CLIP4: variants seen among roughly 807,000 people sequenced by gnomAD.
CLIP4 encodes CAP-Gly domain-containing linker protein 4.
A neutral mutation model predicts 73.1 loss-of-function variants in CLIP4; 47 were observed. That is an observed-to-expected ratio of 0.64 (90% CI 0.51 to 0.82). The LOEUF (loss-of-function observed/expected upper bound fraction) is 0.82. Among genes scored for constraint, CLIP4 ranks in the 40% least tolerant of loss-of-function variants. The probability of loss-of-function intolerance (pLI) is 0.00; values close to 1 mark genes in which losing one functional copy is unlikely to be tolerated. For missense variants in CLIP4, 874 were observed against 852.9 expected, an observed-to-expected ratio of 1.02 and a Z score of -0.31; for synonymous variants, 306 against 295.4, an observed-to-expected ratio of 1.04 and a Z score of -0.37.
chr2:29,129,978 C>G (rs1664858890), intron 2 of CLIP4: 1 of 470,730 alleles, frequency 2.1e-6, no homozygotes, highest in Non-Finnish European at 4.4e-6. Flanking sequence ...TTTTCAGCAG[C>G]TGCTCTGGAA....
intron 13 of CLIP4, 123 bp from the exon 14 acceptor site, chr2:29,167,353 T>A (rs979251008): frequency 3.9e-6 from 2 of 518,998 alleles, no homozygotes; most frequent in Non-Finnish European, 3.4e-6. Context: ...TGGCTTAAAA[T>A]GGACCCTCCA....
At chr2:29,172,614 T>C (rs1186545837) in intron 14 of CLIP4, among the ~76,000 whole-genome samples, 1 of 152,112 alleles carries the variant, frequency 6.6e-6, no homozygotes, top group Non-Finnish European at 1.5e-5. Context: ...TGGGAGTTGA[T>C]CAATTCTTTA....
In CLIP4 at chr2:29,160,474, C is replaced by T. The variant is rs376899757; in HGVS notation, c.1534+7C>T. The T allele has an allele frequency of 7.4e-6, 12 of 1,613,294 alleles. No homozygotes were observed. In the African/African-American group the frequency reaches 1.3e-4, roughly 18 times the overall value. On this transcript the variant is annotated splice_region_variant and intron_variant, in intron 12 of 15. Coordinates refer to ENST00000320081, the MANE Select transcript of CLIP4 (RefSeq NM_024692.6). ...ACAACAAACTTCGCTCCAGGTAACT[C>T]ATCTGCATATTTTCTTAACTTGAAT...
chr2:29,120,119 A>T (rs1157203670), intron 1 of CLIP4, among the ~76,000 whole-genome samples: 1 of 152,172 alleles, frequency 6.6e-6, no homozygotes, highest in Non-Finnish European at 1.5e-5. Context: ...TTTATGTGGC[A>T]AGGTTAATGT....
At chr2:29,135,746 T>A in intron 6 of CLIP4, 80 bp downstream of exon 6, 1 of 969,504 alleles carries the variant, frequency 1.0e-6, no homozygotes, top group Non-Finnish European at 1.6e-6. Context: ...AATCTGAATG[T>A]TATTAATAGA....
intron 8 of CLIP4, among the ~76,000 whole-genome samples, chr2:29,148,115 A>C (rs1372824761): frequency 6.6e-6 from 1 of 152,108 alleles, no homozygotes; most frequent in African/African-American, 2.4e-5. Context: ...TATGTACTCA[A>C]AGGCAAGTTG....
At chr2:29,157,689 AC>A (rs879333523) in intron 11 of CLIP4, among the ~76,000 whole-genome samples, 40 of 152,068 alleles carry the variant, frequency 2.6e-4, no homozygotes, top group Non-Finnish European at 5.0e-4. Context: ...TTTGCTTAAA[AC>A]CTAGGAGAAG....
At chr2:29,161,023 G>A (rs1435807713) in intron 12 of CLIP4, among the ~76,000 whole-genome samples, 2 of 151,986 alleles carry the variant, frequency 1.3e-5, no homozygotes, top group East Asian at 3.8e-4. Flanking sequence ...TGCCCAGGCT[G>A]GAGTGCAATG....
At chr2:29,125,428 A>C (rs1664533561) in intron 2 of CLIP4, among the ~76,000 whole-genome samples, 1 of 152,126 alleles carries the variant, frequency 6.6e-6, no homozygotes, top group South Asian at 2.1e-4. Context: ...GAGTGTGTGC[A>C]TCCATCTCTG....
chr2:29,099,314 A>G (rs1667971549), intron 1 of CLIP4, among the ~76,000 whole-genome samples: 1 of 152,248 alleles, frequency 6.6e-6, no homozygotes, highest in Admixed American at 6.5e-5. Context: ...GTTATCTTCT[A>G]GATAGATGTT....
intron 2 of CLIP4, among the ~76,000 whole-genome samples, chr2:29,129,808 G>A (rs1167629741): frequency 2.6e-5 from 4 of 152,062 alleles, no homozygotes; most frequent in East Asian, 1.9e-4. Context: ...TAAATTAAAG[G>A]TTCTCCGAAG....
intron 1 of CLIP4, among the ~76,000 whole-genome samples, chr2:29,120,316 G>A (rs1208176355): frequency 2.0e-5 from 3 of 152,162 alleles, no homozygotes; most frequent in African/African-American, 7.2e-5. Context: ...AAGAAAACAT[G>A]AATCAAGTTA....
Position 29,165,515 on chromosome 2 carries a change from C to A in CLIP4, c.1658+1561C>A, listed in dbSNP as rs541727453. Among the ~76,000 whole-genome samples the A allele has an allele frequency of 3.3e-5, 5 of 152,306 alleles. No individual in the cohort carries two copies. In the South Asian group the frequency reaches 6.2e-4, roughly 19 times the overall value. ...TCAGCATGTGTGCCCTTAACCGTAA[C>A]CCTATAACGGTTAGAAGAGCTTCAG... On this transcript the variant is annotated intron_variant, in intron 13 of 15. Transcript: ENST00000320081.
At chr2:29,107,366 T>TTTTTTGTTTGTTTTTTTTGTTTTTTTTG (rs1668247027) in intron 1 of CLIP4, among the ~76,000 whole-genome samples, 1 of 107,516 alleles carries the variant, frequency 9.3e-6, no homozygotes, top group African/African-American at 4.1e-5. Flanking sequence ...TAGTTTTTTT[T>TTTTTTGTTTGTTTTTTTTGTTTTTTTTG]TTTTTTTTTT....
chr2:29,150,077 C>G (rs527662448), intron 8 of CLIP4, among the ~76,000 whole-genome samples: 3 of 152,260 alleles, frequency 2.0e-5, no homozygotes, highest in African/African-American at 7.2e-5. Flanking sequence ...TGAAATAGCT[C>G]TTACATAATA....
At chr2:29,180,010 A>G (rs1668556272) in intron 15 of CLIP4, among the ~76,000 whole-genome samples, 4 of 152,346 alleles carry the variant, frequency 2.6e-5, no homozygotes, top group Middle Eastern at 6.8e-3. Flanking sequence ...AACAAATGAG[A>G]CATTGTGTGT....
intron 8 of CLIP4, among the ~76,000 whole-genome samples, chr2:29,151,218 C>A (rs1394820824): frequency 6.6e-6 from 1 of 152,014 alleles, no homozygotes; most frequent in Non-Finnish European, 1.5e-5. Flanking sequence ...CAGATGAAAC[C>A]TTGTAACGTT....
Position 29,133,718 on chromosome 2 carries a change from T to C in CLIP4, c.431T>C (p.Leu144Ser). The C allele has an allele frequency of 6.2e-7, 1 of 1,613,860 alleles. No individual in the cohort carries two copies. The highest frequency in any genetic ancestry group is 2.2e-5 in the East Asian group (1 of 44,862). The change falls in exon 5 of 16, where the codon TTG becomes TCG. Residue 144 changes from leucine to serine, a missense_variant. Coordinates refer to ENST00000320081, the MANE Select transcript of CLIP4 (RefSeq NM_024692.6). ...QLIDLGADIS[L>S]RSRWTNMNAL... Reference sequence around the variant, plus strand: ...ATTGACCTGGGAGCAGACATTAGTTTGCGGAGTCGCTGGACAAACATGAAT... The same window carrying C: ...ATTGACCTGGGAGCAGACATTAGTTCGCGGAGTCGCTGGACAAACATGAAT...
chr2:29,110,111 C>G (rs1409273048), intron 1 of CLIP4, among the ~76,000 whole-genome samples: 2 of 152,008 alleles, frequency 1.3e-5, no homozygotes, highest in African/African-American at 4.8e-5. Flanking sequence ...ACTAGATCAA[C>G]TGAATGGAAA....
Sources: allele counts gnomAD v4.1 joint callset (sites outside exome capture counted in the v4.1 genomes callset), GRCh38; gene constraint gnomAD v4.1.1; transcripts MANE v1.5; gene names NCBI Gene and HGNC (gene_info 2026-07-23, HGNC 2026-07-21).